Variants in PAFAH1B1 observed in about 807,000 individuals in gnomAD.
The protein encoded by PAFAH1B1 is platelet activating factor acetylhydrolase 1b regulatory subunit 1, also known as platelet-activating factor acetylhydrolase IB subunit beta.
Under a neutral mutation model 57.5 loss-of-function variants are expected in PAFAH1B1, and 2 were observed. The ratio of observed to expected loss-of-function variants is 0.03; its 90% CI spans 0.01 to 0.11. The LOEUF is 0.11. Ranked by LOEUF, PAFAH1B1 falls within the 10% of genes least tolerant of loss-of-function variation. The pLI, the probability that PAFAH1B1 is intolerant of heterozygous loss-of-function variation, is 1.00. For synonymous variants in PAFAH1B1, 152 were observed against 169.6 expected, an observed-to-expected ratio of 0.90 and a Z score of 0.81; for missense variants, 257 against 512.0, an observed-to-expected ratio of 0.50 and a Z score of 4.81.
chr17:2,643,461 AC>A (rs1162630863), intron 2 of PAFAH1B1, among the ~76,000 whole-genome samples: 2 of 151,800 alleles, frequency 1.3e-5, no homozygotes, highest in East Asian at 3.9e-4. Context: ...AGATGGTCTC[AC>A]TATGTTGCCC....
chr17:2,666,778 A>T (rs2069111372), intron 4 of PAFAH1B1, among the ~76,000 whole-genome samples: 1 of 152,114 alleles, frequency 6.6e-6, no homozygotes, highest in African/African-American at 2.4e-5. Context: ...ATTGTACTGA[A>T]TTTTTCTCAA....
chr17:2,604,977 G>T (rs1162970593), intron 1 of PAFAH1B1, among the ~76,000 whole-genome samples: 2 of 152,172 alleles, frequency 1.3e-5, no homozygotes, highest in Non-Finnish European at 2.9e-5. Context: ...CAGATTGATA[G>T]AATTTGTATA....
At chr17:2,653,173 A>G (rs1383486493) in intron 2 of PAFAH1B1, among the ~76,000 whole-genome samples, 1 of 152,154 alleles carries the variant, frequency 6.6e-6, no homozygotes, top group Non-Finnish European at 1.5e-5. Flanking sequence ...TGCAGGGACA[A>G]AAAACCAAAC....
intron 2 of PAFAH1B1, among the ~76,000 whole-genome samples, chr17:2,650,172 G>A (rs933900167): frequency 7.2e-5 from 11 of 152,138 alleles, no homozygotes; most frequent in Non-Finnish European, 1.5e-4. Flanking sequence ...GATCGGCCTG[G>A]GCAACGTAGG....
chr17:2,665,548 T>G, intron 3 of PAFAH1B1, 92 bp downstream of exon 3: 1 of 784,650 alleles, frequency 1.3e-6, no homozygotes. Context: ...ATTTTGTCAT[T>G]TGTTATTGTG....
At chr17:2,634,071 A>T (rs1368778192) in intron 1 of PAFAH1B1, among the ~76,000 whole-genome samples, 1 of 151,592 alleles carries the variant, frequency 6.6e-6, no homozygotes, top group African/African-American at 2.4e-5. Flanking sequence ...CATACGTAAA[A>T]TGGAGTTAAT....
At chr17:2,646,018 A>G (rs1401377250) in intron 2 of PAFAH1B1, among the ~76,000 whole-genome samples, 1 of 152,186 alleles carries the variant, frequency 6.6e-6, no homozygotes. Flanking sequence ...GATACAGCCA[A>G]CATAGCCTAC....
intron 1 of PAFAH1B1, among the ~76,000 whole-genome samples, chr17:2,611,084 C>A (rs1340789404): frequency 2.0e-5 from 3 of 152,158 alleles, no homozygotes; most frequent in African/African-American, 7.2e-5. Context: ...AATTTCAAAT[C>A]TTCTTCATCC....
At position 2,682,463 on chromosome 17, in the gene PAFAH1B1, A is replaced by G. The variant is rs1333920365; in HGVS notation, c.*661A>G. 2 of 152,618 alleles carry G rather than the reference A, an allele frequency of 1.3e-5. No individual in the cohort carries two copies. Among genetic ancestry groups the G allele is most frequent in the African/African-American group, 4.8e-5 (2 of 41,446 alleles). The allele number at this position is 152,618 out of a possible 1,614,324, so 9.5% of individuals were successfully genotyped here. A position where few individuals can be genotyped will look rare whatever the true frequency, so the allele number is the denominator to read the frequency against. The stretch of plus-strand genomic sequence containing the variant: ...AAAATGACTGTAAATCTCAAGAAAA[A>G]TCTCAGCAGCTAATAGCAACTCATT... On this transcript the variant is annotated 3_prime_UTR_variant, in exon 11 of 11. Transcript: ENST00000397195.
intron 2 of PAFAH1B1, among the ~76,000 whole-genome samples, chr17:2,653,145 T>C (rs547506718): frequency 1.3e-5 from 2 of 152,144 alleles, no homozygotes; most frequent in East Asian, 3.9e-4. Context: ...CTGGAAACCA[T>C]CATTCTCAGC....
rs530722164 is a variant in PAFAH1B1 at position 2,626,463 on chromosome 17, T to G, written c.-190-11636T>G. On this transcript the variant is annotated intron_variant, in intron 1 of 10. Transcript: ENST00000397195. ...GGCTGAAATAATCTGAGTTAAAGGG[T>G]GCCTTAGATGTTAGCTACTATGTAG... 1.1e-4 allele frequency among the ~76,000 whole-genome samples: 16 copies of G among 146,428 alleles called. No individual in the cohort carries two copies. The South Asian group carries it at 3.4e-3, about 31-fold the overall frequency.
upstream of PAFAH1B1, among the ~76,000 whole-genome samples, chr17:2,593,586 T>G (rs1567518829): frequency 7.4e-6 from 1 of 136,004 alleles, no homozygotes; most frequent in African/African-American, 2.6e-5. Flanking sequence ...TCCTGGCGGG[T>G]CTGGGGCGGC....
At chr17:2,618,565 A>T (rs181371838) in intron 1 of PAFAH1B1, among the ~76,000 whole-genome samples, 1 of 152,252 alleles carries the variant, frequency 6.6e-6, no homozygotes. Context: ...CAATGATTTT[A>T]TAGGAAAATT....
intron 4 of PAFAH1B1, among the ~76,000 whole-genome samples, chr17:2,666,291 G>A (rs1457794455): frequency 1.3e-5 from 2 of 152,094 alleles, no homozygotes; most frequent in Admixed American, 6.6e-5. Flanking sequence ...GTTGCTGACT[G>A]GGTTCAATCT....
In PAFAH1B1 at chr17:2,635,830, G is replaced by A. The variant is rs116377995; in HGVS notation, c.-190-2269G>A. 3.8e-3 allele frequency among the ~76,000 whole-genome samples: 576 copies of A among 151,792 alleles called. 5 individuals are homozygous for A. The highest frequency in any genetic ancestry group is 0.013 in the African/African-American group (549 of 41,358). On this transcript the variant is annotated intron_variant, in intron 1 of 10. Transcript: ENST00000397195. Reference sequence around the variant, plus strand: ...ACTCTATATAATTGAGCCAGGCATGGTGGCTCATGCTTGTAATCCTAGGAC... The same window carrying A: ...ACTCTATATAATTGAGCCAGGCATGATGGCTCATGCTTGTAATCCTAGGAC...
intron 1 of PAFAH1B1, among the ~76,000 whole-genome samples, chr17:2,618,641 TTA>T: frequency 6.6e-6 from 1 of 152,002 alleles, no homozygotes; most frequent in Middle Eastern, 3.4e-3. Context: ...TTTTATTTAT[TTA>T]TGTTATTTTT....
chr17:2,631,666 C>G (rs112444394), intron 1 of PAFAH1B1, among the ~76,000 whole-genome samples: 3,352 of 152,278 alleles, frequency 0.022, 129 homozygotes, highest in African/African-American at 0.076. Context: ...TTTCTCACTT[C>G]TGCAGTTGGG....
At chr17:2,642,157 A>G (rs768300760) in intron 2 of PAFAH1B1, 1 of 152,140 alleles carries the variant, frequency 6.6e-6, no homozygotes, top group Non-Finnish European at 1.5e-5. Context: ...CATACCATTT[A>G]TTTGTATCCC....
At chr17:2,615,251 G>A (rs1210293176) in intron 1 of PAFAH1B1, among the ~76,000 whole-genome samples, 2 of 152,052 alleles carry the variant, frequency 1.3e-5, no homozygotes, top group East Asian at 1.9e-4. Flanking sequence ...TAAGGGATTC[G>A]AGCATTGTTT....
Sources: allele counts gnomAD v4.1 joint callset (sites outside exome capture counted in the v4.1 genomes callset), GRCh38; gene constraint gnomAD v4.1.1; transcripts MANE v1.5; gene names NCBI Gene and HGNC (gene_info 2026-07-23, HGNC 2026-07-21).